Variants in IMMP2L observed in about 807,000 individuals in gnomAD.
IMMP2L encodes the protein inner mitochondrial membrane peptidase subunit 2, also known as mitochondrial inner membrane protease subunit 2.
IMMP2L carries 18 observed loss-of-function variants against 19.3 expected under a neutral mutation model. That is an observed-to-expected ratio of 0.93 (90% confidence interval 0.64 to 1.38). The LOEUF is 1.38. Ranked by LOEUF, IMMP2L falls within the 40% of genes most tolerant of loss-of-function variation. The probability of loss-of-function intolerance (pLI) is 0.00; values close to 1 mark genes in which losing one functional copy is unlikely to be tolerated. For synonymous variants in IMMP2L, 76 were observed against 73.0 expected (o/e 1.04, Z -0.21); for missense variants, 233 against 218.2 (o/e 1.07, Z -0.43).
chr7:111,389,594 T>TGA (rs756662744), intron 3 of IMMP2L, among the ~76,000 whole-genome samples: 126 of 150,282 alleles, frequency 8.4e-4, no homozygotes, highest in African/African-American at 2.7e-3. Context: ...GAGGGCAGAT[T>TGA]GAGAGAGAGA....
At chr7:111,533,392 T>TA (rs1236177425) in intron 1 of IMMP2L, among the ~76,000 whole-genome samples, 2 of 152,172 alleles carry the variant, frequency 1.3e-5, no homozygotes, top group Non-Finnish European at 2.9e-5. Flanking sequence ...ACTTCAACCT[T>TA]AAGAGAAACA....
intron 3 of IMMP2L, among the ~76,000 whole-genome samples, chr7:111,081,076 C>A (rs1409473847): frequency 2.0e-5 from 3 of 152,188 alleles, no homozygotes; most frequent in African/African-American, 7.2e-5. Flanking sequence ...TGTACTTTCA[C>A]ATGAATAAAC....
chr7:111,004,517 G>T (rs908679082), intron 3 of IMMP2L, among the ~76,000 whole-genome samples: 6 of 152,014 alleles, frequency 3.9e-5, no homozygotes, highest in African/African-American at 1.4e-4. Context: ...AGTAATAACT[G>T]GATAAATGTC....
In IMMP2L at chr7:110,729,897, C is replaced by T. The variant is rs563128819; in HGVS notation, c.409-66176G>A. 1.7e-4 allele frequency among the ~76,000 whole-genome samples: 26 copies of T among 151,694 alleles called. No individual in the cohort carries two copies. In the South Asian group the frequency reaches 5.4e-3, roughly 32 times the overall value. On this transcript the variant is annotated intron_variant, in intron 5 of 5. Transcript: ENST00000405709. ...CTATGTAACAAACCTGCACATCCTG[C>T]ACATGTACTCCAGAACTTAAAATAA...
intron 3 of IMMP2L, chr7:111,124,908 A>G (rs1801119627): frequency 6.6e-7 from 1 of 1,516,686 alleles, no homozygotes. Context: ...AAAAACCACC[A>G]AGGAAACCTA....
chr7:110,753,734 AGT>A (rs1157059958), intron 5 of IMMP2L, among the ~76,000 whole-genome samples: 6 of 145,396 alleles, frequency 4.1e-5, no homozygotes, highest in Admixed American at 2.0e-4. Context: ...TTCATTTGAA[AGT>A]GTGTGTGTGA....
At chr7:111,316,252 G>T (rs1584588825) in intron 3 of IMMP2L, among the ~76,000 whole-genome samples, 1 of 152,168 alleles carries the variant, frequency 6.6e-6, no homozygotes, top group East Asian at 1.9e-4. Context: ...ATAAAGAAAG[G>T]CATAAGAAGC....
chr7:111,066,779 T>C (rs947948761), intron 3 of IMMP2L, among the ~76,000 whole-genome samples: 7 of 152,202 alleles, frequency 4.6e-5, no homozygotes, highest in African/African-American at 1.7e-4. Flanking sequence ...CCTTGGGTCA[T>C]GCTAGAGAGT....
chr7:110,982,532 G>C (rs1821410768), intron 3 of IMMP2L, among the ~76,000 whole-genome samples: 3 of 152,042 alleles, frequency 2.0e-5, no homozygotes, highest in Non-Finnish European at 4.4e-5. Flanking sequence ...ACAACTCTCT[G>C]ATCCCTGGAG....
rs5886587 is a variant in IMMP2L, at chr7:111,023,543, C to CA, written c.240-59979dup. 8.2e-3 allele frequency among the ~76,000 whole-genome samples: 1,091 copies of CA among 133,080 alleles called. 5 individuals carry two copies. Among genetic ancestry groups the CA allele is most frequent in the Non-Finnish European group, 0.011 (710 of 62,592 alleles). 87.3% of individuals were successfully genotyped at this position (133,080 alleles called of 152,430 possible). ...CGTGAAACCCTGTCTACTAAAAATA[C>CA]AAAAAAAAAAAAAAAAATTAGCCAG... On this transcript the variant is annotated intron_variant, in intron 3 of 5. Coordinates refer to ENST00000405709, the MANE Select transcript of IMMP2L (RefSeq NM_032549.4).
chr7:111,304,669 AATGT>A (rs1379822147), intron 3 of IMMP2L, among the ~76,000 whole-genome samples: 26 of 60,624 alleles, frequency 4.3e-4, no homozygotes, highest in African/African-American at 1.4e-3. Context: ...ACACATATAT[AATGT>A]GTGTGTGTGT....
intron 3 of IMMP2L, among the ~76,000 whole-genome samples, chr7:111,422,936 G>C (rs942775727): frequency 6.6e-6 from 1 of 151,800 alleles, no homozygotes; most frequent in African/African-American, 2.4e-5. Context: ...AAGGGGTGTT[G>C]AATTTTGTCA....
intron 3 of IMMP2L, among the ~76,000 whole-genome samples, chr7:111,376,709 TA>T (rs1242650607): frequency 1.3e-5 from 2 of 152,092 alleles, no homozygotes; most frequent in African/African-American, 4.8e-5. Context: ...TGAATATTAT[TA>T]AGACATAAAA....
At chr7:111,463,125 C>T (rs1409535539) in intron 3 of IMMP2L, among the ~76,000 whole-genome samples, 1 of 151,996 alleles carries the variant, frequency 6.6e-6, no homozygotes, top group Admixed American at 6.6e-5. Flanking sequence ...CTCAGGTGTT[C>T]CTTGACTTGC....
At chr7:111,235,247 A>C (rs960780504) in intron 3 of IMMP2L, among the ~76,000 whole-genome samples, 6 of 151,980 alleles carry the variant, frequency 3.9e-5, no homozygotes, top group Non-Finnish European at 8.8e-5. Flanking sequence ...TGAGGCAGGC[A>C]GATCACCTGA....
intron 3 of IMMP2L, among the ~76,000 whole-genome samples, chr7:111,258,938 T>A (rs999446162): frequency 6.6e-6 from 1 of 152,144 alleles, no homozygotes; most frequent in Non-Finnish European, 1.5e-5. Flanking sequence ...AATTTAATCA[T>A]TATGTGAAGT....
intron 3 of IMMP2L, among the ~76,000 whole-genome samples, chr7:111,309,946 A>G (rs943429481): frequency 2.0e-5 from 3 of 152,036 alleles, no homozygotes; most frequent in Non-Finnish European, 4.4e-5. Flanking sequence ...TGCATTAATA[A>G]CATTCTGGCC....
chr7:111,053,540 C>A (rs1190288557), intron 3 of IMMP2L, among the ~76,000 whole-genome samples: 4 of 152,176 alleles, frequency 2.6e-5, no homozygotes, highest in Admixed American at 2.6e-4. Context: ...GACTGCCTTT[C>A]CCTAGTGTCA....
At chr7:111,503,287 G>T (rs1168855643) in intron 2 of IMMP2L, among the ~76,000 whole-genome samples, 1 of 152,074 alleles carries the variant, frequency 6.6e-6, no homozygotes, top group Non-Finnish European at 1.5e-5. Context: ...CTGAATCTCT[G>T]AATAGAACAA....
Sources: allele counts gnomAD v4.1 joint callset (sites outside exome capture counted in the v4.1 genomes callset), GRCh38; gene constraint gnomAD v4.1.1; transcripts MANE v1.5; gene names NCBI Gene and HGNC (gene_info 2026-07-23, HGNC 2026-07-21).